The following MAP2K4 variants were observed in gnomAD, a reference collection of about 807,000 sequenced individuals.
The protein encoded by MAP2K4 is dual specificity mitogen-activated protein kinase kinase 4.
In MAP2K4, 4 loss-of-function variants were observed where a neutral mutation model predicts 48.5. The ratio of observed to expected loss-of-function variants is 0.08; its 90% CI spans 0.04 to 0.19. The LOEUF (loss-of-function observed/expected upper bound fraction) is 0.19, where lower values mean the gene tolerates loss of function less well. Ranked by LOEUF, MAP2K4 falls within the 10% of genes least tolerant of loss-of-function variation. The pLI, the probability that MAP2K4 is intolerant of heterozygous loss-of-function variation, is 1.00. For synonymous variants in MAP2K4, 166 were observed against 173.1 expected, an observed-to-expected ratio of 0.96 and a Z score of 0.32; for missense variants, 258 against 493.3, an observed-to-expected ratio of 0.52 and a Z score of 4.52.
At chr17:12,038,822 T>G (rs765007040) in intron 1 of MAP2K4, among the ~76,000 whole-genome samples, 2 of 152,222 alleles carry the variant, frequency 1.3e-5, no homozygotes, top group Non-Finnish European at 2.9e-5. Context: ...GGGGCAGAAC[T>G]GTGTGACCTT....
At chr17:12,072,099 G>A (rs546136414) in intron 2 of MAP2K4, among the ~76,000 whole-genome samples, 4 of 152,252 alleles carry the variant, frequency 2.6e-5, no homozygotes, top group Middle Eastern at 3.4e-3. Flanking sequence ...TCTCACCTGC[G>A]CACTTTGAAA....
chr17:12,030,464 C>A (rs529806714), intron 1 of MAP2K4, among the ~76,000 whole-genome samples: 1 of 152,290 alleles, frequency 6.6e-6, no homozygotes, highest in East Asian at 1.9e-4. Context: ...CCCTTCCCAC[C>A]TCCTTTGTAG....
intron 1 of MAP2K4, among the ~76,000 whole-genome samples, chr17:12,031,360 T>C (rs1253023224): frequency 1.3e-5 from 2 of 152,226 alleles, no homozygotes; most frequent in Non-Finnish European, 2.9e-5. Context: ...CCTGGCTCTT[T>C]TTTCTGCGTG....
At chr17:12,072,899 A>G (rs2151541216) in intron 2 of MAP2K4, among the ~76,000 whole-genome samples, 1 of 152,338 alleles carries the variant, frequency 6.6e-6, no homozygotes, top group East Asian at 1.9e-4. Flanking sequence ...CACAACTCAC[A>G]TAGTATTAAG....
intron 1 of MAP2K4, among the ~76,000 whole-genome samples, chr17:12,023,312 C>G (rs1326630543): frequency 2.0e-5 from 3 of 152,108 alleles, no homozygotes; most frequent in Non-Finnish European, 4.4e-5. Flanking sequence ...AATTGTGAGG[C>G]CCTTGAAGAG....
At chr17:12,048,229 G>C (rs1194806728) in intron 1 of MAP2K4, among the ~76,000 whole-genome samples, 1 of 152,144 alleles carries the variant, frequency 6.6e-6, no homozygotes, top group Non-Finnish European at 1.5e-5. Flanking sequence ...GGAGGGGTCA[G>C]CTACCTTATC....
Position 12,143,306 on chromosome 17 carries a change from A to G in MAP2K4, c.*2046A>G, listed in dbSNP as rs185090127. On this transcript the variant is annotated 3_prime_UTR_variant, in exon 11 of 11. Transcript: ENST00000353533. ...GTCCAGGAGCTAATCTGACCGTTCT[A>G]TTGTGTGGATGACCACATAAGAAGG... The G allele has an allele frequency of 2.6e-3, 606 of 232,858 alleles. No individual in the cohort carries two copies. The highest frequency in any genetic ancestry group is 3.3e-3 in the Non-Finnish European group (386 of 117,502). 14.4% of individuals were successfully genotyped at this position (232,858 alleles called of 1,614,324 possible).
chr17:12,107,545 G>C (rs939356777), intron 4 of MAP2K4, among the ~76,000 whole-genome samples: 3 of 151,500 alleles, frequency 2.0e-5, no homozygotes, highest in African/African-American at 4.9e-5. Context: ...GAAGTTTTCT[G>C]TGTAAGCCTG....
chr17:12,100,712 A>C (rs1971909719), intron 4 of MAP2K4, among the ~76,000 whole-genome samples: 1 of 152,160 alleles, frequency 6.6e-6, no homozygotes, highest in Admixed American at 6.5e-5. Flanking sequence ...TTCCATGTCT[A>C]TTCCAGCACT....
rs79338163 is a variant in MAP2K4 at position 12,064,982 on chromosome 17, A to G, written c.218+9991A>G. ...AAGAGAACATACTGATTCTATCTCT[A>G]TGAAATCTAGAGTAGGCAGAACAGA... On this transcript the variant is annotated intron_variant, in intron 2 of 10. Coordinates refer to ENST00000353533, the MANE Select transcript of MAP2K4 (RefSeq NM_003010.4). Among the ~76,000 whole-genome samples the G allele has an allele frequency of 4.2e-3, 645 of 152,296 alleles. 3 individuals are homozygous for G. The highest frequency in any genetic ancestry group is 6.8e-3 in the Middle Eastern group (2 of 294).
intron 3 of MAP2K4, among the ~76,000 whole-genome samples, chr17:12,087,451 A>G (rs970875059): frequency 6.6e-6 from 1 of 152,168 alleles, no homozygotes; most frequent in Non-Finnish European, 1.5e-5. Flanking sequence ...AGGCATGTCA[A>G]ACTTGTTCCA....
chr17:12,039,458 T>C (rs576738227), intron 1 of MAP2K4, among the ~76,000 whole-genome samples: 1 of 152,358 alleles, frequency 6.6e-6, no homozygotes, highest in East Asian at 1.9e-4. Context: ...ACCCATTATA[T>C]AGCATCAGCA....
At chr17:12,095,338 A>G in intron 3 of MAP2K4, 1 of 507,596 alleles carries the variant, frequency 2.0e-6, no homozygotes, top group South Asian at 2.0e-5. Flanking sequence ...GTAAATGCTC[A>G]TGGTTAAATT....
At chr17:12,065,497 A>G (rs1241637534) in intron 2 of MAP2K4, among the ~76,000 whole-genome samples, 1 of 151,704 alleles carries the variant, frequency 6.6e-6, no homozygotes, top group East Asian at 1.9e-4. Flanking sequence ...ACAAGGTTTC[A>G]CCATGTTGGC....
chr17:12,037,376 T>C (rs1309204424), intron 1 of MAP2K4, among the ~76,000 whole-genome samples: 1 of 152,132 alleles, frequency 6.6e-6, no homozygotes, highest in Non-Finnish European at 1.5e-5. Context: ...GTTTTGACTT[T>C]ATTGGAGTGG....
chr17:12,094,968 T>C (rs1971686148), intron 3 of MAP2K4, among the ~76,000 whole-genome samples: 2 of 152,214 alleles, frequency 1.3e-5, no homozygotes, highest in African/African-American at 4.8e-5. Context: ...GTTTTTAATG[T>C]ATAGAAAGTG....
Position 12,084,114 on chromosome 17 carries a change from A to G in MAP2K4, c.393+2584A>G, listed in dbSNP as rs192374461. Among the ~76,000 whole-genome samples the G allele has an allele frequency of 2.6e-4, 40 of 152,234 alleles. No individual in the cohort carries two copies. The East Asian group carries it at 6.9e-3, about 26-fold the overall frequency. ...GTATTATTCCTCATTTTTAGTTCTG[A>G]GGAATTCCTTCCCCAAATTTATTTT... On this transcript the variant is annotated intron_variant, in intron 3 of 10. Transcript: ENST00000353533.
chr17:12,050,847 C>A (rs868754515), intron 1 of MAP2K4, among the ~76,000 whole-genome samples: 1 of 152,152 alleles, frequency 6.6e-6, no homozygotes, highest in Non-Finnish European at 1.5e-5. Flanking sequence ...TATTCCTAGG[C>A]CTCAGTGAAT....
At chr17:12,093,020 C>T (rs541548755) in intron 3 of MAP2K4, among the ~76,000 whole-genome samples, 25 of 151,984 alleles carry the variant, frequency 1.6e-4, no homozygotes, top group African/African-American at 5.5e-4. Context: ...AGCAAGACTC[C>T]GTCTTAAAAA....
Sources: gnomAD v4.1 joint callset for allele counts (sites outside exome capture counted in the v4.1 genomes callset) on GRCh38, gnomAD v4.1.1 for gene constraint, MANE v1.5 for transcripts, NCBI Gene and HGNC (gene_info 2026-07-23, HGNC 2026-07-21) for gene names.